The following CCDC60 variants were observed in gnomAD, a reference collection of about 807,000 sequenced individuals.
CCDC60 encodes the protein coiled-coil domain-containing protein 60.
In CCDC60, 54 loss-of-function variants were observed where a neutral mutation model predicts 63.5. The observed-to-expected ratio is 0.85, with a 90% CI of 0.68 to 1.07. The LOEUF is 1.07. CCDC60 is among the 50% of genes least tolerant of loss of function. CCDC60 has a pLI of 0.00. For missense variants in CCDC60, 651 were observed against 684.3 expected, an observed-to-expected ratio of 0.95 and a Z score of 0.54; for synonymous variants, 206 against 238.8, an observed-to-expected ratio of 0.86 and a Z score of 1.27.
At chr12:119,435,297 G>A (rs1437913475) in intron 2 of CCDC60, among the ~76,000 whole-genome samples, 1 of 152,158 alleles carries the variant, frequency 6.6e-6, no homozygotes, top group African/African-American at 2.4e-5. Context: ...AAGGGGGAAG[G>A]CTTATTAGCT....
At chr12:119,364,410 A>G (rs1955820578) in intron 1 of CCDC60, among the ~76,000 whole-genome samples, 1 of 152,160 alleles carries the variant, frequency 6.6e-6, no homozygotes, top group South Asian at 2.1e-4. Context: ...GCAACTCCTC[A>G]TCTATACTCT....
At position 119,425,614 on chromosome 12, in the gene CCDC60, T is replaced by A. The variant is rs140523848; in HGVS notation, c.91-3069T>A. Among the ~76,000 whole-genome samples the A allele has an allele frequency of 3.3e-5, 5 of 152,344 alleles. No individual in the cohort carries two copies. The East Asian group carries it at 9.6e-4, about 29-fold the overall frequency. On this transcript the variant is annotated intron_variant, in intron 1 of 13. Transcript: ENST00000327554. ...CAAGGCACCGTGGAACGAGTTTTTC[T>A]CTGACTCTCTTCTCTGCCTTTCCTC... is the stretch of plus-strand genomic sequence containing the variant.
rs200964818 is a variant in CCDC60 at position 119,529,680 on chromosome 12, CT to C, written c.1361+935del. On this transcript the variant is annotated intron_variant, in intron 12 of 13. Coordinates refer to ENST00000327554, the MANE Select transcript of CCDC60 (RefSeq NM_178499.5). ...AACATCACTTTCTCACAAGCAATGT[CT>C]GGCCCTGAAGATACATGAGTCTTTT... Among the ~76,000 whole-genome samples, 19 of 152,274 alleles carry C rather than the reference CT, an allele frequency of 1.2e-4. No homozygotes were observed. In the East Asian group the frequency reaches 3.7e-3, roughly 29 times the overall value.
intron 1 of CCDC60, among the ~76,000 whole-genome samples, chr12:119,391,425 G>A (rs1489987063): frequency 1.3e-5 from 2 of 152,360 alleles, no homozygotes; most frequent in South Asian, 2.1e-4. Context: ...TGGATATAAT[G>A]TTAGAACTTG....
At chr12:119,498,664 C>G (rs926455718) in intron 5 of CCDC60, among the ~76,000 whole-genome samples, 1 of 151,976 alleles carries the variant, frequency 6.6e-6, no homozygotes, top group African/African-American at 2.4e-5. Flanking sequence ...CTCTGCTAGG[C>G]GAGAGCTAGA....
In CCDC60 at chr12:119,456,060, A is replaced by AAAGAAAGC. The variant is rs1224088473; in HGVS notation, c.171-15931_171-15930insAAAGCAAG. ...GAAAGAAAGAAAGAAAGAAAGAAAG[A>AAAGAAAGC]AAGCAAGCAAGCATGTGCAATTTCA... On this transcript the variant is annotated intron_variant, in intron 2 of 13. Transcript: ENST00000327554. This position sits in a 1 kb window ranked among gnomAD's most constrained non-coding sequence, Gnocchi z 4.6. Among the ~76,000 whole-genome samples, 257 of 118,796 alleles carry AAAGAAAGC rather than the reference A, an allele frequency of 2.2e-3. 1 individual carries two copies. Among genetic ancestry groups the AAAGAAAGC allele is most frequent in the Non-Finnish European group, 2.8e-3 (156 of 56,360 alleles). 77.9% of individuals were successfully genotyped at this position (118,796 alleles called of 152,430 possible).
chr12:119,440,228 TTAAAA>T (rs755920288), intron 2 of CCDC60, among the ~76,000 whole-genome samples: 1 of 151,908 alleles, frequency 6.6e-6, no homozygotes, highest in Non-Finnish European at 1.5e-5. Context: ...GAAAATAAAA[TTAAAA>T]TAAAAAATAA....
At chr12:119,401,064 G>A (rs143188233) in intron 1 of CCDC60, among the ~76,000 whole-genome samples, 157 of 152,316 alleles carry the variant, frequency 1.0e-3, no homozygotes, top group African/African-American at 3.7e-3. Flanking sequence ...ATTTCCTTAT[G>A]TGTAAGCAAC....
intron 8 of CCDC60, among the ~76,000 whole-genome samples, chr12:119,519,432 TGTGC>T (rs1425219000): frequency 9.3e-5 from 12 of 129,354 alleles, no homozygotes; most frequent in Admixed American, 5.5e-4. Context: ...TGTGTGTGTG[TGTGC>T]GCGTGTGTGT....
intron 1 of CCDC60, among the ~76,000 whole-genome samples, chr12:119,411,895 C>A (rs1956609165): frequency 6.6e-6 from 1 of 152,032 alleles, no homozygotes; most frequent in Admixed American, 6.6e-5. Flanking sequence ...ACCCTTCCAG[C>A]CCCCACACGG....
chr12:119,422,216 A>T (rs1436927046), intron 1 of CCDC60, among the ~76,000 whole-genome samples: 2 of 152,224 alleles, frequency 1.3e-5, no homozygotes, highest in South Asian at 4.1e-4. Context: ...TCTGAAGCCA[A>T]TGGCACATCC....
At chr12:119,347,204 A>C (rs920849241) in intron 1 of CCDC60, among the ~76,000 whole-genome samples, 1 of 152,200 alleles carries the variant, frequency 6.6e-6, no homozygotes, top group Non-Finnish European at 1.5e-5. Context: ...TAAAAAAGAC[A>C]TATTTTGATA....
At chr12:119,383,155 T>C (rs1956025357) in intron 1 of CCDC60, among the ~76,000 whole-genome samples, 1 of 152,128 alleles carries the variant, frequency 6.6e-6, no homozygotes, top group African/African-American at 2.4e-5. Context: ...ACACCTATAA[T>C]CCCAGCACTT....
intron 1 of CCDC60, among the ~76,000 whole-genome samples, chr12:119,407,343 CA>C (rs869181216): frequency 1.3e-5 from 2 of 148,600 alleles, no homozygotes; most frequent in Admixed American, 6.7e-5. Flanking sequence ...CTCACCTCTA[CA>C]AAAAAAAAGA....
chr12:119,484,867 CTG>C (rs1951400512), intron 4 of CCDC60, among the ~76,000 whole-genome samples: 1 of 152,194 alleles, frequency 6.6e-6, no homozygotes. Flanking sequence ...GGACAGGACT[CTG>C]TAGGTTGTAG....
chr12:119,447,428 A>G (rs187982768), intron 2 of CCDC60, among the ~76,000 whole-genome samples: 174 of 152,330 alleles, frequency 1.1e-3, no homozygotes, highest in African/African-American at 3.8e-3. Context: ...CGATCGAACC[A>G]TCACAGGCTG....
intron 1 of CCDC60, among the ~76,000 whole-genome samples, chr12:119,352,913 C>T (rs1164969293): frequency 6.6e-6 from 1 of 151,840 alleles, no homozygotes; most frequent in East Asian, 1.9e-4. Flanking sequence ...GTACTCCAGC[C>T]TGGGTAACAG....
intron 1 of CCDC60, among the ~76,000 whole-genome samples, chr12:119,421,907 G>A (rs1249188975): frequency 3.9e-5 from 6 of 152,192 alleles, no homozygotes; most frequent in Admixed American, 3.3e-4. Context: ...AATATTAAAT[G>A]TGAGTATATC....
intron 4 of CCDC60, among the ~76,000 whole-genome samples, chr12:119,483,667 T>C (rs1490391870): frequency 6.6e-6 from 1 of 152,236 alleles, no homozygotes; most frequent in African/African-American, 2.4e-5. Context: ...GAGATGTTTA[T>C]GCCCACTAGG....
Sources: gnomAD v4.1 joint callset for allele counts (sites outside exome capture counted in the v4.1 genomes callset) on GRCh38, gnomAD v4.1.1 for gene constraint, Gnocchi (gnomAD v3.1) non-coding constraint, MANE v1.5 for transcripts, NCBI Gene and HGNC (gene_info 2026-07-23, HGNC 2026-07-21) for gene names.